The following ANKEF1 variants were observed in gnomAD, a reference collection of about 807,000 sequenced individuals.
The protein encoded by ANKEF1 is ankyrin repeat and EF-hand domain-containing protein 1.
A neutral mutation model predicts 65.1 loss-of-function variants in ANKEF1; 43 were observed. The ratio of observed to expected loss-of-function variants is 0.66; its 90% CI spans 0.52 to 0.85. The LOEUF is 0.85. Among genes scored for constraint, ANKEF1 ranks in the 40% least tolerant of loss-of-function variants. The probability of loss-of-function intolerance (pLI) is 0.00; values close to 1 mark genes in which losing one functional copy is unlikely to be tolerated. For missense variants in ANKEF1, 934 were observed against 952.9 expected, an observed-to-expected ratio of 0.98 and a Z score of 0.26; for synonymous variants, 316 against 341.5, an observed-to-expected ratio of 0.93 and a Z score of 0.82.
rs756006935 is a variant in ANKEF1, at chr20:10,049,468, G to A, written c.899G>A (p.Ser300Asn). The part of the protein sequence containing the change: ...VAKEGGFKAA[S>N]KEIRRAERIA... ...AAGGAAGGCGGCTTCAAAGCAGCAA[G>A]CAAAGAAATACGCCGAGCAGAGAGA... Residue 300 changes from serine to asparagine, a missense_variant, in exon 7 of 11, where the codon AGC becomes AAC. Physicochemically the swap from Ser to Asn is conservative, Grantham distance 46. Coordinates refer to ENST00000378392, the MANE Select transcript of ANKEF1 (RefSeq NM_022096.6). The A allele has an allele frequency of 1.2e-6, 2 of 1,614,186 alleles. No homozygotes were observed. Among genetic ancestry groups the A allele is most frequent in the Non-Finnish European group, 8.5e-7 (1 of 1,180,010 alleles).
At chr20:10,050,444 T>A (rs1381341952) in intron 7 of ANKEF1, among the ~76,000 whole-genome samples, 1 of 152,182 alleles carries the variant, frequency 6.6e-6, no homozygotes, top group Admixed American at 6.5e-5. Flanking sequence ...TTTATTAAAG[T>A]CTAACAAATG....
At chr20:10,051,227 A>T (rs1443416653) in intron 7 of ANKEF1, among the ~76,000 whole-genome samples, 4 of 152,184 alleles carry the variant, frequency 2.6e-5, no homozygotes, top group African/African-American at 9.6e-5. Flanking sequence ...GTATATTATC[A>T]AGAGAGCAAC....
In ANKEF1 at chr20:10,044,332, G is replaced by A; in HGVS notation, c.547-62G>A. On this transcript the variant is annotated intron_variant, in intron 4 of 10. Transcript: ENST00000378392. ...AATGGATTCAGACTGTATTTGTACT[G>A]ATTCTGCTACTTAATATGATGGGTA... 3 of 1,562,694 alleles carry A rather than the reference G, an allele frequency of 1.9e-6. No individual in the cohort carries two copies. In the South Asian group the frequency reaches 3.5e-5, roughly 18 times the overall value.
intron 3 of ANKEF1, among the ~76,000 whole-genome samples, chr20:10,042,697 G>A (rs1251904563): frequency 1.3e-5 from 2 of 152,316 alleles, no homozygotes; most frequent in East Asian, 1.9e-4. Flanking sequence ...AACATGGTCA[G>A]TCTACACATT....
In ANKEF1 at chr20:10,036,886, T is replaced by C. The variant is rs1159581383; in HGVS notation, c.-45+1244T>C. On this transcript the variant is annotated intron_variant, in intron 2 of 10. Transcript: ENST00000378392. ...TAGGGCGAGACACCAGGGGAGTGTG[T>C]GAGGACAGAAAAGAGTCTTGAGGAC... 2.0e-5 allele frequency among the ~76,000 whole-genome samples: 3 copies of C among 151,902 alleles called. No individual in the cohort carries two copies. The South Asian group carries it at 6.2e-4, about 32-fold the overall frequency.
At chr20:10,054,326 T>C in intron 9 of ANKEF1, 136 bp from the exon 10 acceptor site, 1 of 649,434 alleles carries the variant, frequency 1.5e-6, no homozygotes, top group South Asian at 3.1e-5. Flanking sequence ...ATATACTATT[T>C]TATCTCAAAT....
At chr20:10,037,387 T>G (rs1260270620) in intron 2 of ANKEF1, among the ~76,000 whole-genome samples, 2 of 152,178 alleles carry the variant, frequency 1.3e-5, no homozygotes, top group Non-Finnish European at 2.9e-5. Context: ...CAGAATAGTC[T>G]TCCCTCATAG....
intron 7 of ANKEF1, among the ~76,000 whole-genome samples, chr20:10,050,968 C>T (rs1984827957): frequency 6.6e-6 from 1 of 152,140 alleles, no homozygotes; most frequent in South Asian, 2.1e-4. Flanking sequence ...ACTTTTTAGA[C>T]TACAACAATC....
chr20:10,054,584 A>T lies in ANKEF1; in HGVS notation c.2157A>T (p.Thr719=), dbSNP rs1985043620. The T allele has an allele frequency of 1.9e-6, 3 of 1,607,746 alleles. No homozygotes were observed. The highest frequency in any genetic ancestry group is 2.5e-6 in the Non-Finnish European group (3 of 1,177,880). The change falls in exon 10 of 11, where the codon ACA becomes ACT. Residue 719 remains threonine (T), a synonymous_variant. Coordinates refer to ENST00000378392, the MANE Select transcript of ANKEF1 (RefSeq NM_022096.6). ...TSGYTKKVDI[T]FIPRRIWSPE... is the part of the protein sequence containing the mutation. The stretch of plus-strand genomic sequence containing the variant: ...GTTATACTAAGAAAGTGGATATCAC[A>T]TTTATTCCACGGAGGGTAAGTGCTT...
chr20:10,055,416 T>C (rs1214508823), intron 10 of ANKEF1, 86 bp from the exon 11 acceptor site: 1 of 1,232,282 alleles, frequency 8.1e-7, no homozygotes, highest in Non-Finnish European at 1.2e-6. Context: ...AAGTTAAAAC[T>C]GTGTATTGAA....
Position 10,056,621 on chromosome 20 carries a change from T to C in ANKEF1, c.*961T>C, listed in dbSNP as rs1400174570. On this transcript the variant is annotated 3_prime_UTR_variant, in exon 11 of 11. Coordinates refer to ENST00000378392, the MANE Select transcript of ANKEF1 (RefSeq NM_022096.6). ...ATTTGTAGGGTAGGCTATCAGGAAG[T>C]GCAGGCTGGAAACATGCAGGAGCTG... 1 of 152,016 alleles carries C rather than the reference T, an allele frequency of 6.6e-6. No homozygotes were observed. The highest frequency in any genetic ancestry group is 1.5e-5 in the Non-Finnish European group (1 of 68,016). The allele number at this position is 152,016 out of a possible 1,614,324, so 9.4% of individuals were successfully genotyped here. A position where few individuals can be genotyped will look rare whatever the true frequency, so the allele number is the denominator to read the frequency against.
chr20:10,045,331 A>C (rs1329870040), intron 5 of ANKEF1, among the ~76,000 whole-genome samples: 1 of 152,178 alleles, frequency 6.6e-6, no homozygotes, highest in Non-Finnish European at 1.5e-5. Flanking sequence ...GGCATATTCT[A>C]TGTTTGTGCT....
At chr20:10,041,125 A>G (rs766578571) in intron 3 of ANKEF1, among the ~76,000 whole-genome samples, 2 of 151,792 alleles carry the variant, frequency 1.3e-5, no homozygotes, top group African/African-American at 2.4e-5. Context: ...CAGAAACATC[A>G]TTTATTTTAT....
intron 7 of ANKEF1, 74 bp downstream of exon 7, chr20:10,050,286 A>AT: frequency 8.4e-7 from 1 of 1,186,762 alleles, no homozygotes; most frequent in Non-Finnish European, 1.2e-6. Flanking sequence ...AGATGACCGA[A>AT]TTTTAGTAAT....
intron 8 of ANKEF1, 43 bp downstream of exon 8, chr20:10,051,932 A>T (rs371232155): frequency 6.9e-7 from 1 of 1,441,088 alleles, no homozygotes; most frequent in Non-Finnish European, 9.5e-7. Flanking sequence ...GAAAAGGAGA[A>T]CTTATGTTAG....
chr20:10,040,414 T>C (rs970313268), intron 3 of ANKEF1, among the ~76,000 whole-genome samples: 2 of 152,254 alleles, frequency 1.3e-5, no homozygotes, highest in African/African-American at 4.8e-5. Flanking sequence ...AGTGGGTCTT[T>C]AGGATGTGAG....
Position 10,050,189 on chromosome 20 carries a change from G to T in ANKEF1, c.1620G>T (p.Val540=), listed in dbSNP as rs1600521866. 3.7e-6 allele frequency: 6 copies of T among 1,608,772 alleles called. No homozygotes were observed. In the African/African-American group the frequency reaches 4.0e-5, roughly 11 times the overall value. Residue 540 remains valine, a synonymous_variant, in exon 7 of 11, where the codon GTG becomes GTT. Transcript: ENST00000378392. The part of the protein sequence containing the change: ...MTACASGNID[V]VKFLLEKGAN... ...CGTGTGCAAGTGGAAACATAGATGT[G>T]GTCAAGTTTCTTCTTGAAAAAGGGT...
intron 6 of ANKEF1, among the ~76,000 whole-genome samples, 181 bp downstream of exon 6, chr20:10,045,878 C>G (rs1214918939): frequency 6.6e-6 from 1 of 152,100 alleles, no homozygotes; most frequent in African/African-American, 2.4e-5. Context: ...AATCATGAAT[C>G]TGCGCTTAAA....
At chr20:10,055,296 A>C (rs1346854304) in intron 10 of ANKEF1, among the ~76,000 whole-genome samples, 122 of 152,306 alleles carry the variant, frequency 8.0e-4, no homozygotes, top group African/African-American at 2.7e-3. Flanking sequence ...CATCATCAAA[A>C]ACAGTGATGC....
Sources: allele counts gnomAD v4.1 joint callset (sites outside exome capture counted in the v4.1 genomes callset), GRCh38; gene constraint gnomAD v4.1.1; transcripts MANE v1.5; gene names NCBI Gene and HGNC (gene_info 2026-07-23, HGNC 2026-07-21).